SNUPN: variants seen among roughly 807,000 people sequenced by gnomAD.
SNUPN encodes snurportin-1.
In SNUPN, 31 loss-of-function variants were observed where a neutral mutation model predicts 39.2. The observed-to-expected ratio is 0.79, with a 90% confidence interval of 0.59 to 1.07. The LOEUF is 1.07. SNUPN is among the 50% of genes least tolerant of loss of function. The pLI is 0.00. For synonymous variants in SNUPN, 132 were observed against 159.0 expected (o/e 0.83, Z 1.28); for missense variants, 382 against 434.2 (o/e 0.88, Z 1.07).
intron 8 of SNUPN, among the ~76,000 whole-genome samples, chr15:75,599,808 C>T (rs1595980457): frequency 6.6e-6 from 1 of 151,404 alleles, no homozygotes; most frequent in East Asian, 1.9e-4. Flanking sequence ...ACATCCAGTT[C>T]AAGCAAATGC....
At chr15:75,615,099 T>C (rs1043086935) in intron 3 of SNUPN, among the ~76,000 whole-genome samples, 1 of 152,170 alleles carries the variant, frequency 6.6e-6, no homozygotes, top group Non-Finnish European at 1.5e-5. Flanking sequence ...ACATTTCTTT[T>C]TTATTTGTTT....
At chr15:75,623,911 G>T (rs1484926282) in intron 1 of SNUPN, among the ~76,000 whole-genome samples, 1 of 149,952 alleles carries the variant, frequency 6.7e-6, no homozygotes, top group African/African-American at 2.5e-5. Context: ...AAGTTTGAAA[G>T]CTTTCATGAT....
chr15:75,620,925 G>C lies in SNUPN; in HGVS notation c.127C>G (p.Arg43Gly). ...TGCAGTTCCAGTAACCTCCGGCGGC[G>C]CTCACTCTGCTCCAAGGAACTGTAC... ...SKYSSLEQSE[R>G]RRRLLELQKS... The change falls in exon 2 of 9, where the codon CGC becomes GGC. Residue 43 changes from arginine (R) to glycine (G), a missense_variant. Arg to Gly is a moderately radical substitution (Grantham distance 125). Transcript: ENST00000308588. 6.2e-7 allele frequency: 1 copy of C among 1,613,660 alleles called. No homozygotes were observed. The highest frequency in any genetic ancestry group is 1.1e-5 in the South Asian group (1 of 91,056).
At chr15:75,618,111 TAAAG>T (rs900492592) in intron 2 of SNUPN, among the ~76,000 whole-genome samples, 76 of 152,110 alleles carry the variant, frequency 5.0e-4, no homozygotes, top group African/African-American at 1.8e-3. Context: ...ATAAAATATC[TAAAG>T]AAATTTCCAA....
chr15:75,622,596 C>T (rs573916523), intron 1 of SNUPN: 4 of 657,662 alleles, frequency 6.1e-6, no homozygotes, highest in African/African-American at 3.9e-5. Flanking sequence ...CTGACTTGCA[C>T]TGCTGGGCTG....
At chr15:75,610,085 T>A in intron 3 of SNUPN, 91 bp from the exon 4 acceptor site, 1 of 983,320 alleles carries the variant, frequency 1.0e-6, no homozygotes, top group Non-Finnish European at 1.6e-6. Context: ...GTGTGTATAT[T>A]AAAAACCTGA....
rs759508328 is a variant in SNUPN at position 75,617,411 on chromosome 15, ATT to A, written c.298_299del (p.Asn100SerfsTer6). The A allele has an allele frequency of 2.5e-6, 4 of 1,613,278 alleles. No homozygotes were observed. In the East Asian group the frequency reaches 8.9e-5, roughly 36 times the overall value. On this transcript the variant is annotated frameshift_variant, in exon 3 of 9. Transcript: ENST00000308588. LOFTEE classifies it high-confidence loss of function. ...TVKKLPKHYA[N>X]QLMLSEWLID... Reference sequence around the variant, plus strand: ...TCATCTTCTCTGGACCACTTACTTGATTAGCATAGTGTTTTGGTAACTTCTTG... The same window carrying A: ...TCATCTTCTCTGGACCACTTACTTGAAGCATAGTGTTTTGGTAACTTCTTG...
intron 3 of SNUPN, among the ~76,000 whole-genome samples, chr15:75,610,587 G>A (rs777625919): frequency 6.6e-6 from 1 of 151,812 alleles, no homozygotes; most frequent in Non-Finnish European, 1.5e-5. Flanking sequence ...CTCACCTCCC[G>A]GGTCAGGGTG....
chr15:75,605,046 T>C, intron 7 of SNUPN, 104 bp downstream of exon 7: 1 of 747,894 alleles, frequency 1.3e-6, no homozygotes, highest in Non-Finnish European at 2.3e-6. Flanking sequence ...TATACCATGC[T>C]GCCTCAAAAA....
intron 1 of SNUPN, 133 bp from the exon 2 acceptor site, chr15:75,621,189 C>T (rs939133730): frequency 3.8e-6 from 3 of 782,272 alleles, no homozygotes; most frequent in Non-Finnish European, 6.1e-6. Flanking sequence ...CAAGTGTTTC[C>T]ATGAGACAAA....
At chr15:75,615,446 C>A (rs1380391691) in intron 3 of SNUPN, among the ~76,000 whole-genome samples, 1 of 152,136 alleles carries the variant, frequency 6.6e-6, no homozygotes, top group African/African-American at 2.4e-5. Context: ...TCGTGCTCAG[C>A]CTGTTTGTTC....
Position 75,598,661 on chromosome 15 carries a change from G to A in SNUPN, c.780C>T (p.Tyr260=). ...FPFEVDGLLF[Y]HKQTHYSPGS... is the part of the protein sequence containing the mutation. ...CGGGGCTGTAGTGGGTCTGTTTGTG[G>A]TAGAAGAGAAGTCCATCTACCTATA... Residue 260 remains tyrosine (Y), a synonymous_variant, in exon 9 of 9, where the codon TAC becomes TAT. Transcript: ENST00000308588. 2 of 1,604,074 alleles carry A rather than the reference G, an allele frequency of 1.2e-6. No homozygotes were observed. Among genetic ancestry groups the A allele is most frequent in the Non-Finnish European group, 8.5e-7 (1 of 1,171,866 alleles).
In SNUPN at chr15:75,601,123, C is replaced by T; in HGVS notation, c.759+15G>A. The T allele has an allele frequency of 1.9e-6, 3 of 1,590,608 alleles. No homozygotes were observed. Among genetic ancestry groups the T allele is most frequent in the Non-Finnish European group, 1.7e-6 (2 of 1,158,602 alleles). On this transcript the variant is annotated intron_variant, in intron 8 of 8. Transcript: ENST00000308588. Reference sequence around the variant, plus strand: ...TATCATCATGTCAAGGCAATAAAGACAATGGTTTCGTTACCTCAAAAGGGA... The same window carrying T: ...TATCATCATGTCAAGGCAATAAAGATAATGGTTTCGTTACCTCAAAAGGGA...
rs1340958684 is a variant in SNUPN at position 75,625,666 on chromosome 15, C to T, written c.-6G>A. 6.6e-6 allele frequency: 1 copy of T among 151,742 alleles called. No individual in the cohort carries two copies. Among genetic ancestry groups the T allele is most frequent in the Non-Finnish European group, 1.5e-5 (1 of 68,060 alleles). The allele number at this position is 151,742 out of a possible 1,614,324, so 9.4% of individuals were successfully genotyped here. ...CCCGGGCTCGAACCCAGGGACTCAC[C>T]CAAACCGAGGTGACCGTCGCACGCG... is the stretch of plus-strand genomic sequence containing the variant. On this transcript the variant is annotated splice_region_variant and 5_prime_UTR_variant, in exon 1 of 9. Coordinates refer to ENST00000308588, the MANE Select transcript of SNUPN (RefSeq NM_005701.4).
intron 8 of SNUPN, among the ~76,000 whole-genome samples, chr15:75,600,104 C>T (rs1595980599): frequency 6.6e-6 from 1 of 151,884 alleles, no homozygotes; most frequent in Admixed American, 6.6e-5. Flanking sequence ...CCTCGACCTC[C>T]CAAAGTGCTG....
rs761664513 is a variant in SNUPN, at chr15:75,614,061, A to T, written c.303+3347T>A. ...TCCCAGCACATTGGGAGGCCAAGGCAGGTGGATCAGCTCAGGTCACAAGTT... is the reference window on the plus strand; with the variant it reads ...TCCCAGCACATTGGGAGGCCAAGGCTGGTGGATCAGCTCAGGTCACAAGTT... On this transcript the variant is annotated intron_variant, in intron 3 of 8. Coordinates refer to ENST00000308588, the MANE Select transcript of SNUPN (RefSeq NM_005701.4). 3.9e-5 allele frequency among the ~76,000 whole-genome samples: 6 copies of T among 152,296 alleles called. 1 individual carries two copies. The highest frequency in any genetic ancestry group is 6.8e-3 in the Middle Eastern group (2 of 294).
At chr15:75,613,900 T>C (rs184362998) in intron 3 of SNUPN, among the ~76,000 whole-genome samples, 2 of 152,290 alleles carry the variant, frequency 1.3e-5, no homozygotes, top group East Asian at 1.9e-4. Flanking sequence ...AACAGAGTTA[T>C]CATATATAGA....
At position 75,598,421 on chromosome 15, in the gene SNUPN, A is replaced by C; in HGVS notation, c.1020T>G (p.Ser340=). 6.2e-7 allele frequency: 1 copy of C among 1,614,228 alleles called. No homozygotes were observed. Among genetic ancestry groups the C allele is most frequent in the Non-Finnish European group, 8.5e-7 (1 of 1,180,046 alleles). The change falls in exon 9 of 9, where the codon TCT becomes TCG. Residue 340 remains serine, a synonymous_variant. Transcript: ENST00000308588. The part of the protein sequence containing the change: ...ENGHYELEHL[S]TPKLKGSSHS... ...GGGAAGAACCCTTCAACTTGGGAGT[A>C]GACAGGTGCTCCAATTCATAGTGCC...
Position 75,607,172 on chromosome 15 carries a change from G to A in SNUPN, c.600+44C>T, listed in dbSNP as rs778713442. 8 of 1,390,666 alleles carry A rather than the reference G, an allele frequency of 5.8e-6. No individual in the cohort carries two copies. In the Admixed American group the frequency reaches 1.3e-4, roughly 23 times the overall value. The allele number at this position is 1,390,666 out of a possible 1,614,324, so 86.1% of individuals were successfully genotyped here. A position where few individuals can be genotyped will look rare whatever the true frequency, so the allele number is the denominator to read the frequency against. Reference sequence around the variant, plus strand: ...ATGCTGAGCCGCTTTCCCAGGAGGAGAGGAGAAGACAGGAAGAGCCACGAG... The same window carrying A: ...ATGCTGAGCCGCTTTCCCAGGAGGAAAGGAGAAGACAGGAAGAGCCACGAG... On this transcript the variant is annotated intron_variant, in intron 6 of 8. Transcript: ENST00000308588.
Sources: gnomAD v4.1 joint callset for allele counts (sites outside exome capture counted in the v4.1 genomes callset) on GRCh38, gnomAD v4.1.1 for gene constraint, MANE v1.5 for transcripts, NCBI Gene and HGNC (gene_info 2026-07-23, HGNC 2026-07-21) for gene names.